Variants in PPIL4 observed in about 807,000 individuals in gnomAD.
PPIL4 encodes peptidylprolyl isomerase like 4.
Under a neutral mutation model 69.1 loss-of-function variants are expected in PPIL4, and 50 were observed. The observed-to-expected ratio is 0.72, with a 90% CI of 0.58 to 0.92. The LOEUF is 0.92. Ranked by LOEUF, PPIL4 falls within the 40% of genes least tolerant of loss-of-function variation. The pLI is 0.00. For synonymous variants in PPIL4, 193 were observed against 191.6 expected (o/e 1.01, Z -0.06); for missense variants, 480 against 587.9 (o/e 0.82, Z 1.90).
rs181964285 is a variant in PPIL4, at chr6:149,533,584, C to A, written c.562-10G>T. On this transcript the variant is annotated splice_polypyrimidine_tract_variant and intron_variant, in intron 6 of 12. Coordinates refer to ENST00000253329, the MANE Select transcript of PPIL4 (RefSeq NM_139126.4). ...CTCCTATTCGACCACTCTGTTAAGA[C>A]AGAAGTTACTCATGTATATATTTAA... 286 of 1,462,200 alleles carry A rather than the reference C, an allele frequency of 2.0e-4. 3 individuals are homozygous for A. The East Asian group carries it at 4.2e-3, about 21-fold the overall frequency. The allele number at this position is 1,462,200 out of a possible 1,614,324, so 90.6% of individuals were successfully genotyped here. A position where few individuals can be genotyped will look rare whatever the true frequency, so the allele number is the denominator to read the frequency against.
rs1238813359 is a variant in PPIL4 at position 149,512,248 on chromosome 6, G to A, written c.1134C>T (p.His378=). 2 of 1,613,066 alleles carry A rather than the reference G, an allele frequency of 1.2e-6. No individual in the cohort carries two copies. The highest frequency in any genetic ancestry group is 8.5e-7 in the Non-Finnish European group (1 of 1,179,358). ...TCTTGTGTTTTTTACTTGTGTGTGAGTGACTTGATTTTGAGTCTTCGGCCT... is the reference window on the plus strand; with the variant it reads ...TCTTGTGTTTTTTACTTGTGTGTGAATGACTTGATTTTGAGTCTTCGGCCT... ...DEQAEDSKSS[H]SHTSKKHKKK... Residue 378 remains histidine (H), a synonymous_variant, in exon 12 of 13, where the codon CAC becomes CAT. Coordinates refer to ENST00000253329, the MANE Select transcript of PPIL4 (RefSeq NM_139126.4).
chr6:149,541,136 T>A, intron 3 of PPIL4, 77 bp from the exon 4 acceptor site: 1 of 730,668 alleles, frequency 1.4e-6, no homozygotes, highest in Non-Finnish European at 2.2e-6. Flanking sequence ...TACAGGGTTA[T>A]CAATTATTTC....
intron 7 of PPIL4, among the ~76,000 whole-genome samples, chr6:149,532,661 A>T (rs1037029157): frequency 5.9e-5 from 9 of 152,212 alleles, no homozygotes; most frequent in African/African-American, 9.6e-5. Flanking sequence ...AAAAAATTTT[A>T]AAATTAGCAG....
chr6:149,506,497 A>T (rs1040822689), intron 12 of PPIL4, among the ~76,000 whole-genome samples: 2 of 152,180 alleles, frequency 1.3e-5, no homozygotes, highest in Non-Finnish European at 2.9e-5. Flanking sequence ...GATAATGTAT[A>T]CTTGGGTCTG....
intron 11 of PPIL4, chr6:149,516,863 C>T (rs995179352): frequency 3.9e-5 from 6 of 152,258 alleles, no homozygotes; most frequent in Non-Finnish European, 8.8e-5. Context: ...TTAAACATAA[C>T]AGCAGGTAGC....
intron 12 of PPIL4, among the ~76,000 whole-genome samples, chr6:149,511,321 A>C (rs1188315330): frequency 6.6e-6 from 1 of 151,574 alleles, no homozygotes; most frequent in African/African-American, 2.4e-5. Context: ...TGCAGCCTCT[A>C]CCTCCTGGGC....
intron 6 of PPIL4, among the ~76,000 whole-genome samples, chr6:149,534,185 T>C (rs1408163208): frequency 6.6e-6 from 1 of 152,152 alleles, no homozygotes; most frequent in Non-Finnish European, 1.5e-5. Context: ...ATATGGACAC[T>C]ATTTATTATC....
chr6:149,523,055 G>A (rs1777055959), intron 9 of PPIL4, among the ~76,000 whole-genome samples: 1 of 152,122 alleles, frequency 6.6e-6, no homozygotes, highest in Non-Finnish European at 1.5e-5. Flanking sequence ...TAATACAGGA[G>A]AATATCCTCA....
intron 10 of PPIL4, among the ~76,000 whole-genome samples, chr6:149,518,655 A>G (rs575662381): frequency 6.6e-6 from 1 of 152,382 alleles, no homozygotes; most frequent in South Asian, 2.1e-4. Flanking sequence ...AAGAGTTAAA[A>G]TAACTGGTAA....
In PPIL4 at chr6:149,533,517, C is replaced by A. The variant is rs1447267100; in HGVS notation, c.619G>T (p.Glu207Ter). 2 of 1,612,872 alleles carry A rather than the reference C, an allele frequency of 1.2e-6. No homozygotes were observed. Among genetic ancestry groups the A allele is most frequent in the East Asian group, 4.5e-5 (2 of 44,756 alleles). Reference protein sequence around the residue: ...IDDFKGRSAEEVEEIKAEKEA... With the variant: ...IDDFKGRSAE ...TTTTCTGCCTTTATTTCTTCTACTT[C>A]CTCAGCTGATCTTCCTTTGAAATCA... is the stretch of plus-strand genomic sequence containing the variant. The change falls in exon 7 of 13, where the codon GAA becomes TAA. Residue 207 changes from glutamate to a stop codon, truncating the protein, a stop_gained. Transcript: ENST00000253329. LOFTEE classifies it high-confidence loss of function.
At chr6:149,537,614 G>A (rs887106687) in intron 4 of PPIL4, among the ~76,000 whole-genome samples, 4 of 152,032 alleles carry the variant, frequency 2.6e-5, no homozygotes, top group African/African-American at 9.7e-5. Flanking sequence ...GGCTGAGGCA[G>A]GAGAATGGCG....
At chr6:149,508,771 G>A (rs1776801509) in intron 12 of PPIL4, among the ~76,000 whole-genome samples, 1 of 152,026 alleles carries the variant, frequency 6.6e-6, no homozygotes, top group African/African-American at 2.4e-5. Context: ...ACCATCTCTG[G>A]AATTAAGACA....
chr6:149,540,121 T>C (rs1002457067), intron 4 of PPIL4, among the ~76,000 whole-genome samples: 2 of 152,032 alleles, frequency 1.3e-5, no homozygotes, highest in Admixed American at 6.6e-5. Flanking sequence ...AGAGCAAGAC[T>C]CTGTCTCTAA....
chr6:149,508,276 C>T (rs1362021610), intron 12 of PPIL4, among the ~76,000 whole-genome samples: 1 of 152,116 alleles, frequency 6.6e-6, no homozygotes, highest in Non-Finnish European at 1.5e-5. Flanking sequence ...ACTATAAAGG[C>T]CTAAGGGCCT....
intron 8 of PPIL4, 31 bp downstream of exon 8, chr6:149,526,621 A>G: frequency 6.3e-7 from 1 of 1,574,948 alleles, no homozygotes; most frequent in African/African-American, 1.4e-5. Context: ...TAGTTTTTCT[A>G]AATATCTCTT....
rs769794554 is a variant in PPIL4, at chr6:149,518,892, TCA to T, written c.983-1444_983-1443del. On this transcript the variant is annotated intron_variant, in intron 10 of 12. Coordinates refer to ENST00000253329, the MANE Select transcript of PPIL4 (RefSeq NM_139126.4). ...ATAAACTGAAAATAATACCAACATTTCACAGAGTTGCTGGAATCATCAGACTA... is the reference window on the plus strand; with the variant it reads ...ATAAACTGAAAATAATACCAACATTTCAGAGTTGCTGGAATCATCAGACTA... Among the ~76,000 whole-genome samples the T allele has an allele frequency of 1.8e-3, 279 of 152,302 alleles. 3 individuals carry two copies. The highest frequency in any genetic ancestry group is 1.6e-3 in the Non-Finnish European group (112 of 68,034).
At chr6:149,539,912 C>T (rs1777335033) in intron 4 of PPIL4, among the ~76,000 whole-genome samples, 2 of 151,372 alleles carry the variant, frequency 1.3e-5, no homozygotes, top group Admixed American at 6.6e-5. Context: ...GGTGGATCAC[C>T]TGGGGTCAAG....
chr6:149,536,864 G>A (rs759674300), intron 4 of PPIL4, among the ~76,000 whole-genome samples: 6 of 152,122 alleles, frequency 3.9e-5, no homozygotes, highest in Non-Finnish European at 8.8e-5. Flanking sequence ...AGTGGCTCAC[G>A]CCTATGTAAT....
chr6:149,522,847 G>A (rs375720455), intron 9 of PPIL4, among the ~76,000 whole-genome samples: 2 of 152,134 alleles, frequency 1.3e-5, no homozygotes, highest in South Asian at 4.2e-4. Flanking sequence ...TCTTGACCTC[G>A]TGATCCACCC....
Sources: gnomAD v4.1 joint callset for allele counts (sites outside exome capture counted in the v4.1 genomes callset) on GRCh38, gnomAD v4.1.1 for gene constraint, MANE v1.5 for transcripts, NCBI Gene and HGNC (gene_info 2026-07-23, HGNC 2026-07-21) for gene names.